Variants in GPR89B observed in about 807,000 individuals in gnomAD.
The protein encoded by GPR89B is G protein-coupled receptor 89B.
GPR89B carries 25 observed loss-of-function variants against 52.4 expected under a neutral mutation model. The ratio of observed to expected loss-of-function variants is 0.48; its 90% CI spans 0.35 to 0.67. The LOEUF is 0.67. Ranked by LOEUF, GPR89B falls within the 30% of genes least tolerant of loss-of-function variation. The probability of loss-of-function intolerance (pLI) is 0.01; values close to 1 mark genes in which losing one functional copy is unlikely to be tolerated. For missense variants in GPR89B, 146 were observed against 450.2 expected (o/e 0.32, Z 6.11); for synonymous variants, 52 against 151.2 (o/e 0.34, Z 4.81).
chr1:147,957,742 G>C (rs1303336877), intron 7 of GPR89B, among the ~76,000 whole-genome samples: 2 of 151,942 alleles, frequency 1.3e-5, no homozygotes, highest in African/African-American at 2.4e-5. Flanking sequence ...CCATAGTCAA[G>C]TTAAAGAAGC....
At chr1:147,975,224 T>C (rs1657752216) in intron 10 of GPR89B, among the ~76,000 whole-genome samples, 1 of 135,374 alleles carries the variant, frequency 7.4e-6, no homozygotes, top group African/African-American at 2.8e-5. Flanking sequence ...TTTTCTGTTG[T>C]TTGGAATAGT....
At chr1:147,936,479 T>C (rs1654098738) in intron 1 of GPR89B, 148 bp from the exon 2 acceptor site, 1 of 653,902 alleles carries the variant, frequency 1.5e-6, no homozygotes. Context: ...TGAGCTTTAA[T>C]AAGTAGGTCT....
rs186217655 is a variant in GPR89B at position 147,952,211 on chromosome 1, G to T, written c.416-1134G>T. On this transcript the variant is annotated intron_variant, in intron 5 of 13. Coordinates refer to ENST00000314163, the MANE Select transcript of GPR89B (RefSeq NM_016334.5). ...TCTTAGGTCTGGAGACCATACATTT[G>T]TAATGGCTCCAAAATCAGTATGCAT... Among the ~76,000 whole-genome samples the T allele has an allele frequency of 2.4e-3, 370 of 152,222 alleles. 4 individuals are homozygous for T. Among genetic ancestry groups the T allele is most frequent in the Middle Eastern group, 0.024 (7 of 294 alleles).
chr1:147,986,367 C>G, intron 11 of GPR89B, 73 bp downstream of exon 11: 1 of 1,599,416 alleles, frequency 6.3e-7, no homozygotes, highest in Non-Finnish European at 8.5e-7. Flanking sequence ...TGTTAAGATT[C>G]TAATTTGTAT....
chr1:147,949,212 T>A (rs1362242777), intron 5 of GPR89B, among the ~76,000 whole-genome samples: 2 of 151,736 alleles, frequency 1.3e-5, no homozygotes, highest in Non-Finnish European at 2.9e-5. Flanking sequence ...TCCCCGCCTT[T>A]CCCCCCTTTC....
At chr1:147,954,643 C>A (rs1460450969) in intron 7 of GPR89B, among the ~76,000 whole-genome samples, 2 of 152,028 alleles carry the variant, frequency 1.3e-5, no homozygotes, top group Admixed American at 1.3e-4. Context: ...CATAGTGAGA[C>A]CCCACCCCTT....
the GPR89B span, among the ~76,000 whole-genome samples, chr1:148,025,510 C>T: frequency 1.4e-5 from 1 of 72,934 alleles, no homozygotes; most frequent in Admixed American, 2.1e-4. Flanking sequence ...GCAACAAGAA[C>T]TAAACTCTGT....
chr1:147,991,664 T>G (rs1276756513), intron 12 of GPR89B, among the ~76,000 whole-genome samples: 2 of 152,216 alleles, frequency 1.3e-5, no homozygotes, highest in Non-Finnish European at 2.9e-5. Context: ...GAAGGGCTGT[T>G]GAATTTTGTC....
chr1:147,971,924 C>T (rs1353481211), intron 10 of GPR89B, among the ~76,000 whole-genome samples: 3 of 151,688 alleles, frequency 2.0e-5, no homozygotes, highest in Non-Finnish European at 2.9e-5. Context: ...CACATCCATC[C>T]ATCACTGCCA....
the GPR89B span, among the ~76,000 whole-genome samples, chr1:148,020,424 C>T: frequency 6.6e-6 from 1 of 150,642 alleles, no homozygotes; most frequent in African/African-American, 2.5e-5. Context: ...CTCCTGTTCC[C>T]AAGTCTGTGT....
At chr1:147,941,335 G>T (rs6593853) in intron 3 of GPR89B, among the ~76,000 whole-genome samples, 2 of 152,210 alleles carry the variant, frequency 1.3e-5, no homozygotes, top group African/African-American at 4.8e-5. Context: ...CCAAAATCTT[G>T]CAGAAGCTTA....
intron 7 of GPR89B, among the ~76,000 whole-genome samples, chr1:147,954,608 A>G (rs1442003108): frequency 9.2e-5 from 14 of 152,150 alleles, no homozygotes; most frequent in Admixed American, 2.6e-4. Context: ...ATTTGAGCCC[A>G]GAAGTTCGAG....
intron 12 of GPR89B, among the ~76,000 whole-genome samples, chr1:147,991,954 A>G (rs1182954664): frequency 2.0e-5 from 3 of 151,986 alleles, no homozygotes; most frequent in Non-Finnish European, 2.9e-5. Context: ...ACCCTAACTC[A>G]TTTTATGAGG....
downstream of GPR89B, among the ~76,000 whole-genome samples, chr1:147,997,694 A>T (rs1323123808): frequency 4.0e-5 from 6 of 151,636 alleles, no homozygotes; most frequent in African/African-American, 1.5e-4. Context: ...TCTATATCCT[A>T]CTAGATCTGT....
chr1:148,015,293 ATCTCTCTCTCTC>A, the GPR89B span, among the ~76,000 whole-genome samples: 383 of 69,890 alleles, frequency 5.5e-3, 14 homozygotes, highest in Non-Finnish European at 7.3e-3. Context: ...GGATTCTAGG[ATCTCTCTCTCTC>A]TCTCTCTCTC....
At chr1:147,971,662 A>T (rs1320684247) in intron 10 of GPR89B, among the ~76,000 whole-genome samples, 3 of 150,616 alleles carry the variant, frequency 2.0e-5, no homozygotes, top group Non-Finnish European at 4.4e-5. Context: ...TTGTATTTTT[A>T]GTAGAGACAG....
intron 10 of GPR89B, among the ~76,000 whole-genome samples, chr1:147,981,318 G>GACACACAC (rs1189035337): frequency 6.7e-5 from 10 of 149,264 alleles, no homozygotes; most frequent in African/African-American, 2.5e-4. Context: ...CTCCCTCCCC[G>GACACACAC]ACACACACAC....
At chr1:148,009,215 G>A in the GPR89B span, 14 of 965,240 alleles carry the variant, frequency 1.5e-5, no homozygotes, top group Non-Finnish European at 2.2e-5. Flanking sequence ...GAGGCAAGCT[G>A]TTGCAAGCTA....
rs587706266 is a variant in GPR89B at position 147,930,293 on chromosome 1, T to G, written c.42+1715T>G. 2.0e-5 allele frequency among the ~76,000 whole-genome samples: 3 copies of G among 152,322 alleles called. No individual in the cohort carries two copies. The South Asian group carries it at 6.2e-4, about 32-fold the overall frequency. On this transcript the variant is annotated intron_variant, in intron 1 of 13. Transcript: ENST00000314163. ...TGGCTACTTTATCATCCTTTCGGTA[T>G]TAATAAAAATGTCGCTTTAGGAAGG...
Sources: gnomAD v4.1 joint callset for allele counts (sites outside exome capture counted in the v4.1 genomes callset) on GRCh38, gnomAD v4.1.1 for gene constraint, MANE v1.5 for transcripts, NCBI Gene and HGNC (gene_info 2026-07-23, HGNC 2026-07-21) for gene names.